SC5D: variants seen among roughly 807,000 people sequenced by gnomAD.
SC5D encodes the protein lathosterol oxidase.
A neutral mutation model predicts 23.9 loss-of-function variants in SC5D; 21 were observed. The ratio of observed to expected loss-of-function variants is 0.88; its 90% CI spans 0.62 to 1.26. The LOEUF is 1.26. Among genes scored for constraint, SC5D ranks in the 50% most tolerant of loss-of-function variants. The pLI, the probability that SC5D is intolerant of heterozygous loss-of-function variation, is 0.00. For synonymous variants in SC5D, 113 were observed against 125.9 expected (o/e 0.90, Z 0.68); for missense variants, 309 against 364.8 (o/e 0.85, Z 1.25).
chr11:121,301,530 G>A (rs1424744754), intron 1 of SC5D, among the ~76,000 whole-genome samples: 1 of 152,030 alleles, frequency 6.6e-6, no homozygotes, highest in Non-Finnish European at 1.5e-5. Flanking sequence ...AGTCCTAAAA[G>A]GAGAAGAGAG....
chr11:121,296,027 C>A (rs1049323951), intron 1 of SC5D, among the ~76,000 whole-genome samples: 2 of 152,052 alleles, frequency 1.3e-5, no homozygotes, highest in Non-Finnish European at 2.9e-5. Context: ...CACCGATAAC[C>A]CATATTTCTT....
At chr11:121,306,781 C>T (rs1947968925) in intron 4 of SC5D, 1 of 616,916 alleles carries the variant, frequency 1.6e-6, no homozygotes, top group Non-Finnish European at 2.9e-6. Flanking sequence ...TGAGACGCTC[C>T]CTATTGGGTA....
At chr11:121,303,804 C>T (rs1017229437) in intron 2 of SC5D, 1 of 505,638 alleles carries the variant, frequency 2.0e-6, no homozygotes, top group Non-Finnish European at 3.5e-6. Context: ...AGTCTAGTAT[C>T]GTATCTTGCT....
At chr11:121,305,895 G>T (rs1375361459) in intron 3 of SC5D, 1 of 170,812 alleles carries the variant, frequency 5.9e-6, no homozygotes. Context: ...TTCCAAGACA[G>T]TGGGAGGACA....
rs1342928218 is a variant in SC5D at position 121,311,197 on chromosome 11, T to G, written c.*3685T>G. On this transcript the variant is annotated 3_prime_UTR_variant, in exon 5 of 5. Transcript: ENST00000264027. ...AAGTTCAATAAATACTTTGTTGAATTTATTAATAAAATGGCAGAAATGTCA... is the reference window on the plus strand; with the variant it reads ...AAGTTCAATAAATACTTTGTTGAATGTATTAATAAAATGGCAGAAATGTCA... Among the ~76,000 whole-genome samples, 1 of 152,244 alleles carries G rather than the reference T, an allele frequency of 6.6e-6. No homozygotes were observed. Among genetic ancestry groups the G allele is most frequent in the African/African-American group, 2.4e-5 (1 of 41,460 alleles).
At position 121,308,366 on chromosome 11, in the gene SC5D, C is replaced by T. The variant is rs1410889458; in HGVS notation, c.*854C>T. The T allele has an allele frequency of 1.3e-5, 2 of 152,134 alleles. No individual in the cohort carries two copies. Among genetic ancestry groups the T allele is most frequent in the Non-Finnish European group, 2.9e-5 (2 of 68,010 alleles). 9.4% of individuals were successfully genotyped at this position (152,134 alleles called of 1,614,324 possible). A position where few individuals can be genotyped will look rare whatever the true frequency, so the allele number is the denominator to read the frequency against. ...CTGATTTTTTAGTTAAATTGATGCA[C>T]TACACTTTTGATGTTTGAAGTTACA... On this transcript the variant is annotated 3_prime_UTR_variant, in exon 5 of 5. Coordinates refer to ENST00000264027, the MANE Select transcript of SC5D (RefSeq NM_006918.5).
intron 1 of SC5D, among the ~76,000 whole-genome samples, chr11:121,298,774 TTAATC>T (rs1947906928): frequency 1.3e-5 from 2 of 152,186 alleles, no homozygotes; most frequent in Non-Finnish European, 2.9e-5. Context: ...TAAAGCTTTT[TTAATC>T]ACCTGGATGC....
At position 121,306,402 on chromosome 11, in the gene SC5D, C is replaced by T. The variant is rs369858836; in HGVS notation, c.360C>T (p.Val120=). The part of the protein sequence containing the change: ...GEFPYGLFEL[V]VSIISFLFFT... ...CTTTTCTAGGATTGTTTGAACTTGTCGTTAGTATAATATCTTTCCTCTTTT... is the reference window on the plus strand; with the variant it reads ...CTTTTCTAGGATTGTTTGAACTTGTTGTTAGTATAATATCTTTCCTCTTTT... Residue 120 remains valine, a synonymous_variant, in exon 4 of 5, where the codon GTC becomes GTT. Transcript: ENST00000264027. The T allele has an allele frequency of 5.8e-6, 9 of 1,558,584 alleles. No individual in the cohort carries two copies. Among genetic ancestry groups the T allele is most frequent in the Non-Finnish European group, 8.0e-6 (9 of 1,129,818 alleles).
Position 121,309,929 on chromosome 11 carries a change from G to T in SC5D, c.*2417G>T, listed in dbSNP as rs1947996467. Among the ~76,000 whole-genome samples, 1 of 152,142 alleles carries T rather than the reference G, an allele frequency of 6.6e-6. No individual in the cohort carries two copies. Among genetic ancestry groups the T allele is most frequent in the African/African-American group, 2.4e-5 (1 of 41,420 alleles). On this transcript the variant is annotated 3_prime_UTR_variant, in exon 5 of 5. Transcript: ENST00000264027. ...CTTTTGTGGTAGAAATTGAGAAGTGGGTGGATATGGTTCGAGAAGACCTTT... is the reference window on the plus strand; with the variant it reads ...CTTTTGTGGTAGAAATTGAGAAGTGTGTGGATATGGTTCGAGAAGACCTTT...
At chr11:121,304,528 G>C in intron 3 of SC5D, 35 bp downstream of exon 3, 1 of 1,599,286 alleles carries the variant, frequency 6.3e-7, no homozygotes, top group South Asian at 1.1e-5. Flanking sequence ...GAAGAGAGTA[G>C]TCTAAGCACA....
At chr11:121,298,387 CT>C (rs1454462136) in intron 1 of SC5D, among the ~76,000 whole-genome samples, 2 of 152,160 alleles carry the variant, frequency 1.3e-5, no homozygotes, top group Non-Finnish European at 2.9e-5. Flanking sequence ...TCAAAACTTC[CT>C]TTAAGAGTTC....
chr11:121,307,693 G>A lies in SC5D; in HGVS notation c.*181G>A. 3.6e-6 allele frequency: 2 copies of A among 558,280 alleles called. No homozygotes were observed. The highest frequency in any genetic ancestry group is 6.3e-6 in the Non-Finnish European group (2 of 318,416). 34.6% of individuals were successfully genotyped at this position (558,280 alleles called of 1,614,324 possible). On this transcript the variant is annotated 3_prime_UTR_variant, in exon 5 of 5. Transcript: ENST00000264027. ...TAGTGGTAGGTCAGAAGAAGATGCTGTGAACACCAGGACTTTAATCTTATG... is the reference window on the plus strand; with the variant it reads ...TAGTGGTAGGTCAGAAGAAGATGCTATGAACACCAGGACTTTAATCTTATG...
At chr11:121,302,236 T>G (rs143274847) in intron 1 of SC5D, among the ~76,000 whole-genome samples, 54 of 152,318 alleles carry the variant, frequency 3.5e-4, no homozygotes, top group African/African-American at 1.3e-3. Context: ...ATGTAGGAGA[T>G]AAAGGCCGTT....
At position 121,307,524 on chromosome 11, in the gene SC5D, GTTATTC is replaced by G. The variant is rs1947976378; in HGVS notation, c.*16_*21del. 6.5e-7 allele frequency: 1 copy of G among 1,537,918 alleles called. No homozygotes were observed. ...CAAAGACTGAATAGATTATTGCCCA[GTTATTC>G]TTAAGTAAGGACAAAGAAGGAAATA... On this transcript the variant is annotated 3_prime_UTR_variant, in exon 5 of 5. Coordinates refer to ENST00000264027, the MANE Select transcript of SC5D (RefSeq NM_006918.5).
At chr11:121,303,205 C>T (rs945440286) in intron 1 of SC5D, among the ~76,000 whole-genome samples, 161 bp from the exon 2 acceptor site, 53 of 152,146 alleles carry the variant, frequency 3.5e-4, no homozygotes, top group African/African-American at 1.3e-3. Context: ...TCTAAGATCC[C>T]TTCTGGCTCT....
Position 121,300,409 on chromosome 11 carries a change from G to C in SC5D, c.-10-2957G>C, listed in dbSNP as rs367983926. On this transcript the variant is annotated intron_variant, in intron 1 of 4. Transcript: ENST00000264027. ...AGAATAGGTTTGCAGCCTCACCAAA[G>C]GCCACAACCCAGAAAATCATCACCA... Among the ~76,000 whole-genome samples the C allele has an allele frequency of 1.4e-4, 21 of 152,272 alleles. No homozygotes were observed. In the East Asian group the frequency reaches 3.1e-3, roughly 22 times the overall value.
chr11:121,295,738 C>T (rs1470101813), intron 1 of SC5D, among the ~76,000 whole-genome samples: 1 of 152,152 alleles, frequency 6.6e-6, no homozygotes, highest in African/African-American at 2.4e-5. Flanking sequence ...CTTACCCACC[C>T]CCTATTCCTA....
At position 121,307,826 on chromosome 11, in the gene SC5D, T is replaced by A. The variant is rs1405580221; in HGVS notation, c.*314T>A. 3.9e-6 allele frequency: 1 copy of A among 258,470 alleles called. No individual in the cohort carries two copies. Among genetic ancestry groups the A allele is most frequent in the Non-Finnish European group, 7.4e-6 (1 of 134,758 alleles). 16.0% of individuals were successfully genotyped at this position (258,470 alleles called of 1,614,324 possible). Reference sequence around the variant, plus strand: ...TTTAAATAAGATGGAGAATAAATTATTGAGGGGACTAGGCTATATGCATTT... The same window carrying A: ...TTTAAATAAGATGGAGAATAAATTAATGAGGGGACTAGGCTATATGCATTT... On this transcript the variant is annotated 3_prime_UTR_variant, in exon 5 of 5. Coordinates refer to ENST00000264027, the MANE Select transcript of SC5D (RefSeq NM_006918.5).
chr11:121,308,379 G>A lies in SC5D; in HGVS notation c.*867G>A, dbSNP rs1333862562. Reference sequence around the variant, plus strand: ...TAAATTGATGCACTACACTTTTGATGTTTGAAGTTACAAACCTGTAATTTT... The same window carrying A: ...TAAATTGATGCACTACACTTTTGATATTTGAAGTTACAAACCTGTAATTTT... On this transcript the variant is annotated 3_prime_UTR_variant, in exon 5 of 5. Transcript: ENST00000264027. 6.6e-6 allele frequency: 1 copy of A among 152,106 alleles called. No individual in the cohort carries two copies. The highest frequency in any genetic ancestry group is 1.5e-5 in the Non-Finnish European group (1 of 68,006). The allele number at this position is 152,106 out of a possible 1,614,324, so 9.4% of individuals were successfully genotyped here. A position where few individuals can be genotyped will look rare whatever the true frequency, so the allele number is the denominator to read the frequency against.
Sources: gnomAD v4.1 joint callset for allele counts (sites outside exome capture counted in the v4.1 genomes callset) on GRCh38, gnomAD v4.1.1 for gene constraint, MANE v1.5 for transcripts, NCBI Gene and HGNC (gene_info 2026-07-23, HGNC 2026-07-21) for gene names.